Variants in GATD1 observed in about 807,000 individuals in gnomAD.
GATD1 encodes glutamine amidotransferase-like class 1 domain-containing protein 1.
In GATD1, 23 loss-of-function variants were observed where a neutral mutation model predicts 25.9. The ratio of observed to expected loss-of-function variants is 0.89; its 90% CI spans 0.64 to 1.26. The LOEUF (loss-of-function observed/expected upper bound fraction) is 1.26, where lower values mean the gene tolerates loss of function less well. Ranked by LOEUF, GATD1 falls within the 50% of genes most tolerant of loss-of-function variation. GATD1 has a pLI of 0.00. For missense variants in GATD1, 347 were observed against 312.5 expected (o/e 1.11, Z -0.83); for synonymous variants, 177 against 134.6 (o/e 1.31, Z -2.18).
At chr11:777,115 C>G in intron 1 of GATD1, 1 of 266,764 alleles carries the variant, frequency 3.7e-6, no homozygotes, top group Non-Finnish European at 7.1e-6. Context: ...GCCGGGCAGA[C>G]GAGACTCGGA....
Position 774,014 on chromosome 11 carries a change from T to C in GATD1, c.241A>G (p.Ile81Val). 1.9e-6 allele frequency: 3 copies of C among 1,613,608 alleles called. No individual in the cohort carries two copies. The highest frequency in any genetic ancestry group is 8.5e-7 in the Non-Finnish European group (1 of 1,179,960). The change falls in exon 3 of 8, where the codon ATC (isoleucine) becomes GTC (valine). Residue 81 changes from isoleucine to valine, a missense_variant. By Grantham distance (29) the Ile-to-Val change is conservative. Transcript: ENST00000319863. ...GAGTGGGTCCCGGGCCTACCATCGA[T>C]GGACTCGAGCTTGGCGGGGCTGGCG... Reference protein sequence around the residue: ...AYASPAKLESIDGARYHALLI... With the variant: ...AYASPAKLESVDGARYHALLI...
In GATD1 at chr11:767,254, G is replaced by A. The variant is rs866000633; in HGVS notation, c.*3643C>T. The A allele has an allele frequency of 2.6e-6, 4 of 1,536,064 alleles. No individual in the cohort carries two copies. Among genetic ancestry groups the A allele is most frequent in the Middle Eastern group, 3.3e-4 (2 of 5,990 alleles). On this transcript the variant is annotated 3_prime_UTR_variant, in exon 8 of 8. Coordinates refer to ENST00000319863, the MANE Select transcript of GATD1 (RefSeq NM_182612.4). ...GCTGCTGCATGGTTTTATTCCTCAT[G>A]GGTAGATGAACACACACTGGTATAT...
In GATD1 at chr11:770,730, C is replaced by G. The variant is rs1863353253; in HGVS notation, c.*167G>C. 6.8e-7 allele frequency: 1 copy of G among 1,477,616 alleles called. No homozygotes were observed. Among genetic ancestry groups the G allele is most frequent in the African/African-American group, 1.4e-5 (1 of 71,198 alleles). 91.5% of individuals were successfully genotyped at this position (1,477,616 alleles called of 1,614,324 possible). A position where few individuals can be genotyped will look rare whatever the true frequency, so the allele number is the denominator to read the frequency against. ...TTGGACCCTCCAGGAGAGCCGACAC[C>G]CCCTCAGAGCTGATTCCAGGAGGCC... On this transcript the variant is annotated 3_prime_UTR_variant, in exon 8 of 8. Coordinates refer to ENST00000319863, the MANE Select transcript of GATD1 (RefSeq NM_182612.4).
At position 767,580 on chromosome 11, in the gene GATD1, G is replaced by C; in HGVS notation, c.*3317C>G. On this transcript the variant is annotated 3_prime_UTR_variant, in exon 8 of 8. Coordinates refer to ENST00000319863, the MANE Select transcript of GATD1 (RefSeq NM_182612.4). ...ATGTCAGATCTGGCTGACCAGAGGG[G>C]CTCAATGAGGCTCACTGGCTCTTCA... 7.1e-7 allele frequency: 1 copy of C among 1,404,814 alleles called. No homozygotes were observed. The highest frequency in any genetic ancestry group is 9.2e-7 in the Non-Finnish European group (1 of 1,083,706). 87.0% of individuals were successfully genotyped at this position (1,404,814 alleles called of 1,614,324 possible).
At chr11:776,336 G>A (rs1376127614) in intron 1 of GATD1, among the ~76,000 whole-genome samples, 1 of 152,062 alleles carries the variant, frequency 6.6e-6, no homozygotes, top group Non-Finnish European at 1.5e-5. Context: ...ACTTATCGAG[G>A]AAAAACAAAG....
chr11:771,534 C>G, intron 5 of GATD1, 108 bp from the exon 6 acceptor site: 1 of 1,429,350 alleles, frequency 7.0e-7, no homozygotes, highest in South Asian at 1.5e-5. Flanking sequence ...CCAAGTGGGA[C>G]CGGGGGTGTC....
At chr11:771,151 C>G in intron 6 of GATD1, 47 bp from the exon 7 acceptor site, 1 of 1,552,028 alleles carries the variant, frequency 6.4e-7, no homozygotes, top group South Asian at 1.2e-5. Context: ...CCACCTCACC[C>G]ACTGAGAGCC....
intron 1 of GATD1, 92 bp downstream of exon 1, chr11:777,307 G>A: frequency 5.0e-6 from 5 of 996,772 alleles, no homozygotes; most frequent in South Asian, 9.3e-5. Context: ...CCGGCGCCAC[G>A]TGACGCGCGC....
At chr11:776,728 G>C (rs1490415434) in intron 1 of GATD1, 2 of 152,344 alleles carry the variant, frequency 1.3e-5, no homozygotes, top group Non-Finnish European at 2.9e-5. Context: ...TCTCCAAAAG[G>C]CTCAGAACAA....
In GATD1 at chr11:770,338, A is replaced by T; in HGVS notation, c.*559T>A. The T allele has an allele frequency of 6.5e-7, 1 of 1,534,500 alleles. No individual in the cohort carries two copies. ...CACTTTGAAACCACACGCCAGGAAG[A>T]TTTCTTCAACAGGAAAGTGCTGCCA... On this transcript the variant is annotated 3_prime_UTR_variant, in exon 8 of 8. Transcript: ENST00000319863.
rs773146061 is a variant in GATD1 at position 774,086 on chromosome 11, T to A, written c.169A>T (p.Thr57Ser). 2 of 1,613,632 alleles carry A rather than the reference T, an allele frequency of 1.2e-6. No individual in the cohort carries two copies. The highest frequency in any genetic ancestry group is 2.2e-5 in the South Asian group (2 of 91,092). The stretch of plus-strand genomic sequence containing the variant: ...TGCACCCAGCGTGCATTGCTCTCAG[T>A]CACATCCACAAATTCCATGGCTTTC... Reference protein sequence around the residue: ...GGKAMEFVDVTESNARWVQDF... With the variant: ...GGKAMEFVDVSESNARWVQDF... The change falls in exon 3 of 8, where the codon ACT becomes TCT. Residue 57 changes from threonine to serine, a missense_variant. Coordinates refer to ENST00000319863, the MANE Select transcript of GATD1 (RefSeq NM_182612.4).
In GATD1 at chr11:770,444, C is replaced by G. The variant is rs201340135; in HGVS notation, c.*453G>C. ...TTGGCCAAAGTTCTGAGCCAGCTCC[C>G]GCCGGCTGGGCCCTCCCCTCAAGGC... On this transcript the variant is annotated 3_prime_UTR_variant, in exon 8 of 8. Coordinates refer to ENST00000319863, the MANE Select transcript of GATD1 (RefSeq NM_182612.4). 11 of 1,484,482 alleles carry G rather than the reference C, an allele frequency of 7.4e-6. No homozygotes were observed. Among genetic ancestry groups the G allele is most frequent in the Non-Finnish European group, 9.8e-6 (11 of 1,118,452 alleles). The allele number at this position is 1,484,482 out of a possible 1,614,324, so 92.0% of individuals were successfully genotyped here.
At chr11:774,985 G>C in intron 2 of GATD1, 81 bp downstream of exon 2, 1 of 1,321,814 alleles carries the variant, frequency 7.6e-7, no homozygotes, top group Non-Finnish European at 1.1e-6. Context: ...CCCAGGCCGC[G>C]GCGGCAGTCT....
chr11:777,349 G>GC, intron 1 of GATD1, 50 bp downstream of exon 1: 1 of 1,247,092 alleles, frequency 8.0e-7, no homozygotes, highest in Non-Finnish European at 1.0e-6. Flanking sequence ...GCCCCGGGCA[G>GC]CCCCCTCGCG....
At chr11:771,237 T>C (rs1863411292) in intron 6 of GATD1, 96 bp downstream of exon 6, 2 of 1,550,358 alleles carry the variant, frequency 1.3e-6, no homozygotes, top group South Asian at 2.4e-5. Context: ...TGGGGGTCTA[T>C]AGAACCCAGG....
Position 771,122 on chromosome 11 carries a change from C to A in GATD1, c.545-18G>T. 1 of 1,571,532 alleles carries A rather than the reference C, an allele frequency of 6.4e-7. No individual in the cohort carries two copies. ...CTCGCTTGCTGGGGAGGACCGAGGG[C>A]ACCAACCTCAGGCAATGTCCACCTC... On this transcript the variant is annotated intron_variant, in intron 6 of 7. Transcript: ENST00000319863.
chr11:773,006 G>C (rs558011355), intron 4 of GATD1, among the ~76,000 whole-genome samples: 1 of 152,344 alleles, frequency 6.6e-6, no homozygotes, highest in South Asian at 2.1e-4. Flanking sequence ...CCACGGCTGA[G>C]GTGGCCACAA....
chr11:775,017 G>A (rs755045245), intron 2 of GATD1, 49 bp downstream of exon 2: 17 of 1,531,250 alleles, frequency 1.1e-5, no homozygotes, highest in Admixed American at 1.9e-5. Context: ...CCCCGGAGAG[G>A]TGGAGACAGA....
In GATD1 at chr11:767,516, C is replaced by A. The variant is rs1327656566; in HGVS notation, c.*3381G>T. 7.0e-7 allele frequency: 1 copy of A among 1,427,246 alleles called. No individual in the cohort carries two copies. The highest frequency in any genetic ancestry group is 9.1e-7 in the Non-Finnish European group (1 of 1,096,620). The allele number at this position is 1,427,246 out of a possible 1,614,324, so 88.4% of individuals were successfully genotyped here. The stretch of plus-strand genomic sequence containing the variant: ...CCCGCGTCAGAACCCACTTCACATC[C>A]CAAAGCCCCACCTGCTTTGATCTTC... On this transcript the variant is annotated 3_prime_UTR_variant, in exon 8 of 8. Transcript: ENST00000319863.
Sources: gnomAD v4.1 joint callset for allele counts (sites outside exome capture counted in the v4.1 genomes callset) on GRCh38, gnomAD v4.1.1 for gene constraint, MANE v1.5 for transcripts, NCBI Gene and HGNC (gene_info 2026-07-23, HGNC 2026-07-21) for gene names.